PRKCE: variants seen among roughly 807,000 people sequenced by gnomAD.
PRKCE encodes the protein protein kinase C epsilon type.
PRKCE carries 16 observed loss-of-function variants against 85.4 expected under a neutral mutation model. That is an observed-to-expected ratio of 0.19 (90% CI 0.13 to 0.28). The LOEUF (loss-of-function observed/expected upper bound fraction) is 0.28. Among genes scored for constraint, PRKCE ranks in the 10% least tolerant of loss-of-function variants. PRKCE has a pLI of 1.00. For synonymous variants in PRKCE, 388 were observed against 371.5 expected (o/e 1.04, Z -0.51); for missense variants, 573 against 975.2 (o/e 0.59, Z 5.49).
chr2:45,973,402 A>G (rs1702236206), intron 2 of PRKCE, among the ~76,000 whole-genome samples: 1 of 152,216 alleles, frequency 6.6e-6, no homozygotes, highest in Non-Finnish European at 1.5e-5. Context: ...CTTTGCACAC[A>G]AGCCTCACTT....
rs1699054457 is a variant in PRKCE, at chr2:45,931,692, A to G, written c.413-44737A>G. Among the ~76,000 whole-genome samples, 3 of 152,126 alleles carry G rather than the reference A, an allele frequency of 2.0e-5. No individual in the cohort carries two copies. The South Asian group carries it at 6.2e-4, about 32-fold the overall frequency. Reference sequence around the variant, plus strand: ...TAGACACACAGAAAAATGCATGGCTAGTGAGTATACAGGTGACTGAATTTT... The same window carrying G: ...TAGACACACAGAAAAATGCATGGCTGGTGAGTATACAGGTGACTGAATTTT... On this transcript the variant is annotated intron_variant, in intron 2 of 14. Transcript: ENST00000306156.
chr2:45,817,204 G>A (rs182771508), intron 1 of PRKCE, among the ~76,000 whole-genome samples: 16 of 152,048 alleles, frequency 1.1e-4, no homozygotes, highest in Admixed American at 6.5e-4. Context: ...GATAGCAGCA[G>A]CTCATTTCTT....
intron 2 of PRKCE, among the ~76,000 whole-genome samples, chr2:45,934,894 A>G (rs1204332379): frequency 6.6e-6 from 1 of 150,784 alleles, no homozygotes; most frequent in Non-Finnish European, 1.5e-5. Context: ...CTCTACAAAA[A>G]AAAAAAAAAA....
chr2:46,171,816 A>G (rs1401505391), intron 14 of PRKCE, among the ~76,000 whole-genome samples: 1 of 152,150 alleles, frequency 6.6e-6, no homozygotes, highest in Non-Finnish European at 1.5e-5. Flanking sequence ...GGTGCTAAAA[A>G]CACAAGGCAG....
At chr2:45,732,350 G>T (rs1192531136) in intron 1 of PRKCE, among the ~76,000 whole-genome samples, 1 of 152,062 alleles carries the variant, frequency 6.6e-6, no homozygotes, top group Non-Finnish European at 1.5e-5. Context: ...GATATGTTGA[G>T]GTTCTTCATA....
intron 12 of PRKCE, among the ~76,000 whole-genome samples, chr2:46,146,044 C>T (rs1676039740): frequency 6.6e-6 from 1 of 152,206 alleles, no homozygotes; most frequent in Non-Finnish European, 1.5e-5. Flanking sequence ...AGGAGAGTGA[C>T]TGTGCCTCAT....
chr2:45,934,395 T>C (rs576552280), intron 2 of PRKCE, among the ~76,000 whole-genome samples: 2 of 152,332 alleles, frequency 1.3e-5, no homozygotes, highest in Admixed American at 6.5e-5. Context: ...ATGCCTGTAA[T>C]CCCAGCACTT....
At position 45,869,530 on chromosome 2, in the gene PRKCE, C is replaced by T. The variant is rs78367013; in HGVS notation, c.412+26467C>T. ...TTCACACATGCTACCTGTTTTTTCC[C>T]CTCATAGCAACCCTATGTGAGGTAG... On this transcript the variant is annotated intron_variant, in intron 2 of 14. Transcript: ENST00000306156. 3.6e-3 allele frequency among the ~76,000 whole-genome samples: 547 copies of T among 152,204 alleles called. 2 individuals carry two copies. Among genetic ancestry groups the T allele is most frequent in the Non-Finnish European group, 6.4e-3 (434 of 68,006 alleles).
intron 1 of PRKCE, among the ~76,000 whole-genome samples, chr2:45,724,183 T>A (rs1680865569): frequency 6.6e-6 from 1 of 152,250 alleles, no homozygotes; most frequent in South Asian, 2.1e-4. Context: ...TAATAGCATA[T>A]GTTCACTTCA....
chr2:46,026,706 G>T (rs1236519956), intron 10 of PRKCE, among the ~76,000 whole-genome samples: 1 of 152,152 alleles, frequency 6.6e-6, no homozygotes, highest in Non-Finnish European at 1.5e-5. Context: ...GAGAGTAAAT[G>T]AGACCCCTTA....
intron 2 of PRKCE, among the ~76,000 whole-genome samples, chr2:45,938,488 C>T (rs1335678586): frequency 6.6e-6 from 1 of 152,160 alleles, no homozygotes; most frequent in African/African-American, 2.4e-5. Flanking sequence ...CTGCATTTTC[C>T]ACCTTGTGTC....
chr2:45,949,842 CTG>C (rs1700502675), intron 2 of PRKCE, among the ~76,000 whole-genome samples: 1 of 150,606 alleles, frequency 6.6e-6, no homozygotes, highest in Non-Finnish European at 1.5e-5. Flanking sequence ...ATTGCTTTGA[CTG>C]TGAAATTTTG....
At chr2:45,724,602 T>C (rs1411216950) in intron 1 of PRKCE, among the ~76,000 whole-genome samples, 1 of 152,324 alleles carries the variant, frequency 6.6e-6, no homozygotes, top group East Asian at 1.9e-4. Flanking sequence ...AAGTTGTGAA[T>C]GCAAAGGAAA....
At chr2:45,698,785 A>T (rs1678368688) in intron 1 of PRKCE, among the ~76,000 whole-genome samples, 1 of 152,186 alleles carries the variant, frequency 6.6e-6, no homozygotes, top group Non-Finnish European at 1.5e-5. Context: ...CCAAGGACAG[A>T]CTTGTGGAGG....
intron 2 of PRKCE, among the ~76,000 whole-genome samples, chr2:45,868,371 TAAGG>T (rs1378608932): frequency 7.1e-6 from 1 of 140,178 alleles, no homozygotes. Context: ...CCATCTTAGG[TAAGG>T]AAGGAAGGAA....
intron 14 of PRKCE, among the ~76,000 whole-genome samples, chr2:46,162,144 A>G (rs954893909): frequency 1.3e-5 from 2 of 152,076 alleles, no homozygotes; most frequent in Non-Finnish European, 2.9e-5. Flanking sequence ...GGGCAGGGGT[A>G]TGAGGGGGTC....
At chr2:45,813,903 C>G (rs1197092328) in intron 1 of PRKCE, among the ~76,000 whole-genome samples, 1 of 152,206 alleles carries the variant, frequency 6.6e-6, no homozygotes, top group South Asian at 2.1e-4. Flanking sequence ...CTGAGATTAG[C>G]TGAATACTTG....
chr2:46,018,049 A>G (rs1467306569), intron 10 of PRKCE, among the ~76,000 whole-genome samples: 1 of 152,212 alleles, frequency 6.6e-6, no homozygotes, highest in Non-Finnish European at 1.5e-5. Context: ...TCAATTTTAC[A>G]TGAACTCAAT....
chr2:46,111,727 C>T (rs556697985), intron 11 of PRKCE, among the ~76,000 whole-genome samples: 1 of 152,316 alleles, frequency 6.6e-6, no homozygotes, highest in East Asian at 1.9e-4. Context: ...TTTATTCACT[C>T]TCAGTTGATG....
Sources: allele counts gnomAD v4.1 joint callset (sites outside exome capture counted in the v4.1 genomes callset), GRCh38; gene constraint gnomAD v4.1.1; transcripts MANE v1.5; gene names NCBI Gene and HGNC (gene_info 2026-07-23, HGNC 2026-07-21).